Variants in PSPC1 observed in about 807,000 individuals in gnomAD.
The protein encoded by PSPC1 is paraspeckle component 1, also known as paraspeckle protein 1.
A neutral mutation model predicts 51.6 loss-of-function variants in PSPC1; 14 were observed. The ratio of observed to expected loss-of-function variants is 0.27; its 90% CI spans 0.18 to 0.42. PSPC1 has a LOEUF of 0.42. Ranked by LOEUF, PSPC1 falls within the 10% of genes least tolerant of loss-of-function variation. PSPC1 has a pLI of 1.00. For missense variants in PSPC1, 406 were observed against 701.1 expected, an observed-to-expected ratio of 0.58 and a Z score of 4.75; for synonymous variants, 193 against 231.9, an observed-to-expected ratio of 0.83 and a Z score of 1.53.
intron 4 of PSPC1, among the ~76,000 whole-genome samples, chr13:19,750,793 C>CAG (rs71092396): frequency 0.96 from 145,595 of 151,806 alleles, 70,128 homozygotes; most frequent in East Asian, 1. Flanking sequence ...TTTTTTGAGA[C>CAG]AGTTTTGCTC....
chr13:19,735,811 A>T (rs896554523), intron 5 of PSPC1, among the ~76,000 whole-genome samples: 1 of 151,858 alleles, frequency 6.6e-6, no homozygotes, highest in Non-Finnish European at 1.5e-5. Flanking sequence ...TACATACTGC[A>T]AAACTACTCA....
At chr13:19,698,374 TAA>T, downstream of PSPC1, among the ~76,000 whole-genome samples, 1 of 151,910 alleles carries the variant, frequency 6.6e-6, no homozygotes, top group South Asian at 2.1e-4. Context: ...ACAAAACACT[TAA>T]ACAAAGCATT....
chr13:19,770,873 G>T (rs1487066706), intron 2 of PSPC1, among the ~76,000 whole-genome samples: 1 of 151,418 alleles, frequency 6.6e-6, no homozygotes, highest in Non-Finnish European at 1.5e-5. Context: ...CTGCAGCCTG[G>T]GCGACAGAGT....
At chr13:19,683,240 C>A (rs1877483802) in intron 6 of PSPC1, among the ~76,000 whole-genome samples, 1 of 151,942 alleles carries the variant, frequency 6.6e-6, no homozygotes, top group African/African-American at 2.4e-5. Context: ...TTCACAATAG[C>A]CCCAAAAATA....
chr13:19,747,275 T>C (rs1886092747), intron 4 of PSPC1, among the ~76,000 whole-genome samples: 1 of 152,246 alleles, frequency 6.6e-6, no homozygotes, highest in Admixed American at 6.5e-5. Context: ...CCATTAAAAA[T>C]ATAAGGCGGA....
intron 5 of PSPC1, among the ~76,000 whole-genome samples, chr13:19,730,599 T>C (rs944344355): frequency 2.6e-5 from 4 of 152,104 alleles, no homozygotes; most frequent in Non-Finnish European, 4.4e-5. Context: ...AGGATAGTTA[T>C]TTGCGTATAT....
At chr13:19,700,696 T>C (rs1879794485), downstream of PSPC1, among the ~76,000 whole-genome samples, 1 of 152,084 alleles carries the variant, frequency 6.6e-6, no homozygotes, top group Non-Finnish European at 1.5e-5. Flanking sequence ...CTGAAGACTT[T>C]AAACTCAGTA....
chr13:19,761,153 A>G (rs1299171674), intron 2 of PSPC1, among the ~76,000 whole-genome samples: 1 of 152,128 alleles, frequency 6.6e-6, no homozygotes, highest in African/African-American at 2.4e-5. Context: ...TCTAAATAAA[A>G]ATAAAAATAA....
At chr13:19,768,886 G>C (rs2138277319) in intron 2 of PSPC1, among the ~76,000 whole-genome samples, 1 of 150,650 alleles carries the variant, frequency 6.6e-6, no homozygotes, top group South Asian at 2.1e-4. Context: ...TGTAATCCCA[G>C]CGCTTAGGGA....
intron 2 of PSPC1, among the ~76,000 whole-genome samples, chr13:19,760,848 C>T (rs1470264102): frequency 6.6e-6 from 1 of 151,850 alleles, no homozygotes; most frequent in African/African-American, 2.4e-5. Context: ...ATTAGCCGGG[C>T]GTGGTGGTGC....
downstream of PSPC1, chr13:19,671,887 G>A: frequency 6.2e-7 from 1 of 1,613,472 alleles, no homozygotes; most frequent in Non-Finnish European, 8.5e-7. Flanking sequence ...CAAACAGAAG[G>A]GACTGGGCGG....
chr13:19,748,480 G>A lies in PSPC1; in HGVS notation c.967+2791C>T, dbSNP rs377056758. Among the ~76,000 whole-genome samples, 747 of 152,196 alleles carry A rather than the reference G, an allele frequency of 4.9e-3. 8 individuals carry two copies. The highest frequency in any genetic ancestry group is 0.017 in the African/African-American group (726 of 41,542). On this transcript the variant is annotated intron_variant, in intron 4 of 8. Transcript: ENST00000338910. ...ACGATAAACAACAAAAAAACTCATG[G>A]GAAATAACTGCAAAATTACTCTACT... is the stretch of plus-strand genomic sequence containing the variant.
At chr13:19,744,074 C>T (rs868391572) in intron 4 of PSPC1, among the ~76,000 whole-genome samples, 22 of 152,204 alleles carry the variant, frequency 1.4e-4, no homozygotes, top group Non-Finnish European at 1.5e-4. Flanking sequence ...CACCATTGCA[C>T]TCCAGCCTGG....
chr13:19,741,502 G>A, intron 5 of PSPC1, 63 bp downstream of exon 5: 3 of 1,197,950 alleles, frequency 2.5e-6, no homozygotes, highest in Non-Finnish European at 3.6e-6. Context: ...CTTGTAACAG[G>A]TTGTGGGGAG....
At chr13:19,764,187 C>T (rs1315146302) in intron 2 of PSPC1, among the ~76,000 whole-genome samples, 2 of 152,072 alleles carry the variant, frequency 1.3e-5, no homozygotes, top group African/African-American at 4.8e-5. Flanking sequence ...CCCCTGAAAT[C>T]CTAACATATG....
chr13:19,672,768 T>A (rs1304875458), downstream of PSPC1: 3 of 187,986 alleles, frequency 1.6e-5, no homozygotes, highest in African/African-American at 7.0e-5. Flanking sequence ...AGTAAGAATG[T>A]AAACCAGTAC....
chr13:19,685,580 C>A (rs1877777544), intron 6 of PSPC1, among the ~76,000 whole-genome samples: 1 of 152,158 alleles, frequency 6.6e-6, no homozygotes, highest in Admixed American at 6.5e-5. Context: ...TTCAGTCTGA[C>A]AGAAAGAGCA....
intron 1 of PSPC1, among the ~76,000 whole-genome samples, chr13:19,780,759 A>C (rs1469435491): frequency 1.3e-5 from 2 of 150,242 alleles, no homozygotes; most frequent in East Asian, 4.0e-4. Context: ...CTATTGTCCC[A>C]TGACCCTGCC....
chr13:19,781,297 G>A (rs1045136443), intron 1 of PSPC1, among the ~76,000 whole-genome samples: 2 of 151,622 alleles, frequency 1.3e-5, no homozygotes, highest in African/African-American at 2.4e-5. Flanking sequence ...GACTACAGGC[G>A]CGCACCACCA....
Sources: gnomAD v4.1 joint callset for allele counts (sites outside exome capture counted in the v4.1 genomes callset) on GRCh38, gnomAD v4.1.1 for gene constraint, MANE v1.5 for transcripts, NCBI Gene and HGNC (gene_info 2026-07-23, HGNC 2026-07-21) for gene names.